The following DYNC1I1 variants were observed in gnomAD, a reference collection of about 807,000 sequenced individuals.
The protein encoded by DYNC1I1 is cytoplasmic dynein 1 intermediate chain 1.
DYNC1I1 carries 43 observed loss-of-function variants against 86.6 expected under a neutral mutation model. The observed-to-expected ratio is 0.50, with a 90% CI of 0.39 to 0.64. DYNC1I1 has a LOEUF of 0.64. DYNC1I1 is among the 30% of genes least tolerant of loss of function. The pLI is 0.00. For missense variants in DYNC1I1, 604 were observed against 788.8 expected (o/e 0.77, Z 2.81); for synonymous variants, 262 against 283.7 (o/e 0.92, Z 0.77).
chr7:95,968,249 C>A (rs1793068804), intron 6 of DYNC1I1, among the ~76,000 whole-genome samples: 3 of 150,610 alleles, frequency 2.0e-5, no homozygotes, highest in African/African-American at 7.3e-5. Flanking sequence ...GAAGGGTATA[C>A]AAAGAGATAG....
chr7:96,024,322 C>G (rs1451851745), intron 10 of DYNC1I1, among the ~76,000 whole-genome samples: 3 of 152,170 alleles, frequency 2.0e-5, no homozygotes, highest in Admixed American at 6.5e-5. Context: ...GTCTCGAACT[C>G]CTAGGCTCAA....
chr7:96,106,612 CTT>C (rs149660075), intron 16 of DYNC1I1, among the ~76,000 whole-genome samples: 26,465 of 151,900 alleles, frequency 0.17, 2,452 homozygotes, highest in South Asian at 0.22. Context: ...TTGCAATAGA[CTT>C]TATTATTATT....
intron 5 of DYNC1I1, among the ~76,000 whole-genome samples, chr7:95,850,604 C>A (rs1789551653): frequency 6.6e-6 from 1 of 152,172 alleles, no homozygotes; most frequent in Non-Finnish European, 1.5e-5. Flanking sequence ...GTTTGCCTGC[C>A]ACACACACAA....
chr7:96,073,858 T>G (rs1272985781), intron 14 of DYNC1I1, among the ~76,000 whole-genome samples: 1 of 152,198 alleles, frequency 6.6e-6, no homozygotes, highest in Admixed American at 6.5e-5. Flanking sequence ...CACATTGCCT[T>G]TTAAAAAATA....
chr7:95,785,992 G>T (rs1794135367), intron 1 of DYNC1I1, among the ~76,000 whole-genome samples: 1 of 151,802 alleles, frequency 6.6e-6, no homozygotes, highest in Non-Finnish European at 1.5e-5. Context: ...TGTAAGAAAA[G>T]TGTTAATTCC....
chr7:95,922,187 T>C (rs951895685), intron 6 of DYNC1I1, among the ~76,000 whole-genome samples: 1 of 151,914 alleles, frequency 6.6e-6, no homozygotes, highest in Admixed American at 6.6e-5. Context: ...TTCTTCAGGA[T>C]TTTTTTTTCT....
At chr7:96,077,250 T>C (rs562559769) in intron 15 of DYNC1I1, among the ~76,000 whole-genome samples, 14 of 151,422 alleles carry the variant, frequency 9.2e-5, no homozygotes, top group African/African-American at 3.4e-4. Context: ...TGTGTGTGTG[T>C]GTGTGTGTGT....
chr7:95,845,757 A>C (rs1175357946), intron 5 of DYNC1I1, among the ~76,000 whole-genome samples: 3 of 152,218 alleles, frequency 2.0e-5, no homozygotes, highest in Admixed American at 2.0e-4. Context: ...AAGAACTGTT[A>C]TAAATTGGTT....
chr7:96,024,403 G>T (rs2115935386), intron 10 of DYNC1I1, among the ~76,000 whole-genome samples: 1 of 152,116 alleles, frequency 6.6e-6, no homozygotes, highest in East Asian at 1.9e-4. Context: ...AGCTTGATTT[G>T]AATTTTTAAA....
intron 6 of DYNC1I1, among the ~76,000 whole-genome samples, chr7:95,956,715 T>C (rs1439741881): frequency 6.6e-6 from 1 of 152,238 alleles, no homozygotes; most frequent in Non-Finnish European, 1.5e-5. Context: ...CATGAACTCA[T>C]TCTTTTTTAT....
downstream of DYNC1I1, among the ~76,000 whole-genome samples, chr7:96,102,849 A>G (rs1197356941): frequency 2.0e-5 from 3 of 152,230 alleles, no homozygotes; most frequent in Non-Finnish European, 2.9e-5. Flanking sequence ...AGCACATGGC[A>G]TATTAGCGGA....
At chr7:95,864,466 T>C (rs1474338120) in intron 5 of DYNC1I1, among the ~76,000 whole-genome samples, 1 of 152,208 alleles carries the variant, frequency 6.6e-6, no homozygotes, top group Non-Finnish European at 1.5e-5. Context: ...TCTTGCAATA[T>C]GGCTTTGCTC....
intron 16 of DYNC1I1, among the ~76,000 whole-genome samples, chr7:96,086,480 C>T (rs42069): frequency 0.83 from 126,203 of 152,166 alleles, 52,458 homozygotes; most frequent in Middle Eastern, 0.9. Flanking sequence ...GTTTGAGAGA[C>T]GGACAAATCT....
intron 6 of DYNC1I1, among the ~76,000 whole-genome samples, chr7:95,909,490 T>A (rs1017372944): frequency 6.6e-6 from 1 of 152,006 alleles, no homozygotes; most frequent in Non-Finnish European, 1.5e-5. Context: ...GGCTTGGGCA[T>A]GCTCACACTC....
chr7:95,980,963 G>A (rs1230142610), intron 7 of DYNC1I1, among the ~76,000 whole-genome samples: 1 of 152,090 alleles, frequency 6.6e-6, no homozygotes, highest in Non-Finnish European at 1.5e-5. Flanking sequence ...ATTCCCATGA[G>A]AGCCACTGTC....
intron 10 of DYNC1I1, among the ~76,000 whole-genome samples, chr7:96,008,488 A>T (rs1431751435): frequency 1.3e-5 from 2 of 152,216 alleles, no homozygotes; most frequent in African/African-American, 4.8e-5. Flanking sequence ...AATAGAGCTC[A>T]ATTTACAGAT....
intron 14 of DYNC1I1, among the ~76,000 whole-genome samples, chr7:96,053,078 A>G (rs993307779): frequency 2.0e-5 from 3 of 152,208 alleles, no homozygotes; most frequent in Non-Finnish European, 4.4e-5. Flanking sequence ...TTATGAATGC[A>G]CACTCTCACA....
At chr7:95,954,653 G>A (rs549894285) in intron 6 of DYNC1I1, among the ~76,000 whole-genome samples, 18 of 152,136 alleles carry the variant, frequency 1.2e-4, no homozygotes, top group African/African-American at 4.1e-4. Flanking sequence ...GGTGGCTCAC[G>A]CCTTAATCCC....
intron 9 of DYNC1I1, 63 bp downstream of exon 9, chr7:95,987,218 AAT>A: frequency 1.4e-6 from 2 of 1,437,222 alleles, no homozygotes; most frequent in Non-Finnish European, 1.9e-6. Context: ...TGTATAAAAA[AAT>A]AAGAGATTTG....
Sources: gnomAD v4.1 joint callset for allele counts (sites outside exome capture counted in the v4.1 genomes callset) on GRCh38, gnomAD v4.1.1 for gene constraint, MANE v1.5 for transcripts, NCBI Gene and HGNC (gene_info 2026-07-23, HGNC 2026-07-21) for gene names.